MRC1: variants seen among roughly 807,000 people sequenced by gnomAD.
MRC1 encodes mannose receptor C-type 1.
Under a neutral mutation model 102.9 loss-of-function variants are expected in MRC1, and 62 were observed. The ratio of observed to expected loss-of-function variants is 0.60; its 90% confidence interval spans 0.49 to 0.74. MRC1 has a LOEUF of 0.74. Among genes scored for constraint, MRC1 ranks in the 30% least tolerant of loss-of-function variants. MRC1 has a pLI of 0.00. For synonymous variants in MRC1, 457 were observed against 298.4 expected, an observed-to-expected ratio of 1.53 and a Z score of -5.48; for missense variants, 1,237 against 862.8, an observed-to-expected ratio of 1.43 and a Z score of -5.43.
intron 22 of MRC1, among the ~76,000 whole-genome samples, chr10:17,890,420 C>T (rs878908485): frequency 0.044 from 6,673 of 152,180 alleles, 369 homozygotes; most frequent in East Asian, 0.25. Context: ...TCTTCTGTTC[C>T]TTTCTCGTTT....
At chr10:17,832,673 C>T (rs1254027348) in intron 3 of MRC1, among the ~76,000 whole-genome samples, 2 of 150,472 alleles carry the variant, frequency 1.3e-5, no homozygotes, top group Admixed American at 6.6e-5. Context: ...CTGCAAGCTC[C>T]GCCTCCCGGG....
Position 17,907,523 on chromosome 10 carries a change from C to T in MRC1, c.3914-11C>T, listed in dbSNP as rs1395404471. The T allele has an allele frequency of 3.8e-6, 3 of 780,676 alleles. No homozygotes were observed. The African/African-American group carries it at 5.1e-5, about 13-fold the overall frequency. The allele number at this position is 780,676 out of a possible 1,614,324, so 48.4% of individuals were successfully genotyped here. ...TAACTTTTGTCTTTATTGGTTTTAT[C>T]TGATGACCAGGGACGTGGCTGTGGA... is the stretch of plus-strand genomic sequence containing the variant. On this transcript the variant is annotated splice_polypyrimidine_tract_variant and intron_variant, in intron 27 of 29. Transcript: ENST00000569591.
chr10:17,861,803 C>G (rs1169171753), intron 10 of MRC1, among the ~76,000 whole-genome samples: 6 of 152,072 alleles, frequency 3.9e-5, no homozygotes, highest in Admixed American at 1.3e-4. Context: ...TTTTTTAAAG[C>G]AGGAAAGTAA....
intron 3 of MRC1, among the ~76,000 whole-genome samples, chr10:17,832,569 A>C (rs1226774325): frequency 1.4e-5 from 2 of 147,506 alleles, no homozygotes; most frequent in African/African-American, 5.2e-5. Flanking sequence ...AAAACAAAAC[A>C]AACAAAAAAA....
intron 26 of MRC1, among the ~76,000 whole-genome samples, chr10:17,904,960 T>A (rs1388181076): frequency 6.6e-6 from 1 of 152,220 alleles, no homozygotes; most frequent in Non-Finnish European, 1.5e-5. Context: ...CTTAGATGGT[T>A]ACAATGTTAG....
Position 17,910,864 on chromosome 10 carries a change from A to T in MRC1, c.*399A>T, listed in dbSNP as rs1564628549. ...AACTCAGCAAGTAGAAGACCATTTG[A>T]AAAGTCAGGTACAAATTTCCTCAAG... On this transcript the variant is annotated 3_prime_UTR_variant, in exon 30 of 30. Transcript: ENST00000569591. 5.2e-6 allele frequency: 1 copy of T among 192,754 alleles called. No homozygotes were observed. The highest frequency in any genetic ancestry group is 1.4e-4 in the East Asian group (1 of 6,994). 11.9% of individuals were successfully genotyped at this position (192,754 alleles called of 1,614,324 possible). A position where few individuals can be genotyped will look rare whatever the true frequency, so the allele number is the denominator to read the frequency against.
intron 22 of MRC1, among the ~76,000 whole-genome samples, chr10:17,886,899 G>A (rs1833605393): frequency 6.6e-6 from 1 of 152,086 alleles, no homozygotes; most frequent in African/African-American, 2.4e-5. Context: ...TTCAAAAGGT[G>A]GGAAATAGAA....
intron 24 of MRC1, among the ~76,000 whole-genome samples, chr10:17,899,681 T>C (rs1247036262): frequency 6.6e-6 from 1 of 152,228 alleles, no homozygotes; most frequent in African/African-American, 2.4e-5. Context: ...TATCATCTAT[T>C]CTTAAACAAT....
chr10:17,883,530 C>T (rs1238585002), intron 21 of MRC1, among the ~76,000 whole-genome samples: 1 of 151,764 alleles, frequency 6.6e-6, no homozygotes, highest in Admixed American at 6.6e-5. Flanking sequence ...ACGGTAGCTG[C>T]CTCTTCTACT....
chr10:17,895,916 C>G (rs1833748815), intron 23 of MRC1, among the ~76,000 whole-genome samples: 1 of 152,170 alleles, frequency 6.6e-6, no homozygotes, highest in Non-Finnish European at 1.5e-5. Flanking sequence ...TATTTATACC[C>G]ACTTTTAATT....
rs1833726396 is a variant in MRC1 at position 17,894,440 on chromosome 10, C to T, written c.3250+128C>T. 4.6e-6 allele frequency: 3 copies of T among 647,460 alleles called. No individual in the cohort carries two copies. The East Asian group carries it at 8.3e-5, about 18-fold the overall frequency. 40.1% of individuals were successfully genotyped at this position (647,460 alleles called of 1,614,324 possible). A position where few individuals can be genotyped will look rare whatever the true frequency, so the allele number is the denominator to read the frequency against. On this transcript the variant is annotated intron_variant, in intron 23 of 29. Coordinates refer to ENST00000569591, the MANE Select transcript of MRC1 (RefSeq NM_002438.4). ...TTTGAGGCAGAGTCTCGCTCTGTCG[C>T]CCAGGCTGAAGTGCAGTGGTGTGAT...
At chr10:17,863,223 T>G (rs1334068546) in intron 10 of MRC1, among the ~76,000 whole-genome samples, 3 of 152,226 alleles carry the variant, frequency 2.0e-5, no homozygotes. Flanking sequence ...AGTTTTCTTC[T>G]TTGTATTCTC....
chr10:17,883,923 G>C (rs1212016692), intron 21 of MRC1, among the ~76,000 whole-genome samples: 1 of 152,174 alleles, frequency 6.6e-6, no homozygotes, highest in Non-Finnish European at 1.5e-5. Context: ...TGATAAGCAA[G>C]AAGCCATATT....
At chr10:17,824,437 T>C (rs1323303713) in intron 2 of MRC1, among the ~76,000 whole-genome samples, 4 of 152,330 alleles carry the variant, frequency 2.6e-5, no homozygotes, top group Non-Finnish European at 5.9e-5. Flanking sequence ...TGAACCTAGC[T>C]TATCTCAGCT....
At position 17,818,663 on chromosome 10, in the gene MRC1, G is replaced by T. The variant is rs1564608831; in HGVS notation, c.62-4411G>T. Among the ~76,000 whole-genome samples, 3 of 152,134 alleles carry T rather than the reference G, an allele frequency of 2.0e-5. No homozygotes were observed. The South Asian group carries it at 6.2e-4, about 32-fold the overall frequency. ...ACCTCTACTAAAAATACAAAAATTAGGTGGGTGTGGTGACATGCACCTGTA... is the reference window on the plus strand; with the variant it reads ...ACCTCTACTAAAAATACAAAAATTATGTGGGTGTGGTGACATGCACCTGTA... On this transcript the variant is annotated intron_variant, in intron 1 of 29. Transcript: ENST00000569591.
chr10:17,820,622 C>T (rs1838380947), intron 1 of MRC1, among the ~76,000 whole-genome samples: 1 of 151,814 alleles, frequency 6.6e-6, no homozygotes, highest in Non-Finnish European at 1.5e-5. Flanking sequence ...GATATATTTA[C>T]TATTATTAAC....
At chr10:17,883,247 C>T (rs1833543187) in intron 21 of MRC1, among the ~76,000 whole-genome samples, 1 of 152,138 alleles carries the variant, frequency 6.6e-6, no homozygotes. Flanking sequence ...CATGTCTTAG[C>T]CTCCCAAGTA....
rs1431431589 is a variant in MRC1 at position 17,850,574 on chromosome 10, G to A, written c.1249+810G>A. On this transcript the variant is annotated intron_variant, in intron 7 of 29. Coordinates refer to ENST00000569591, the MANE Select transcript of MRC1 (RefSeq NM_002438.4). ...TGCTTGTCCCGAAGATGAGCGGCTT[G>A]AGAAACAGCATAATGATAATGGGCA... is the stretch of plus-strand genomic sequence containing the variant. Among the ~76,000 whole-genome samples the A allele has an allele frequency of 2.0e-5, 3 of 152,150 alleles. No homozygotes were observed. In the East Asian group the frequency reaches 5.8e-4, roughly 29 times the overall value.
chr10:17,862,987 A>C (rs1833206549), intron 10 of MRC1: 1 of 154,116 alleles, frequency 6.5e-6, no homozygotes, highest in Admixed American at 6.4e-5. Context: ...CTTCTCATTC[A>C]TTCTGGAGAT....
Sources: allele counts gnomAD v4.1 joint callset (sites outside exome capture counted in the v4.1 genomes callset), GRCh38; gene constraint gnomAD v4.1.1; transcripts MANE v1.5; gene names NCBI Gene and HGNC (gene_info 2026-07-23, HGNC 2026-07-21).